Variants in GAD1 observed in about 807,000 individuals in gnomAD.
GAD1 encodes glutamate decarboxylase 1.
GAD1 carries 35 observed loss-of-function variants against 75.2 expected under a neutral mutation model. The observed-to-expected ratio is 0.47, with a 90% confidence interval of 0.36 to 0.62. GAD1 has a LOEUF of 0.62. GAD1 is among the 20% of genes least tolerant of loss of function. The pLI is 0.00. For synonymous variants in GAD1, 257 were observed against 271.9 expected, an observed-to-expected ratio of 0.95 and a Z score of 0.54; for missense variants, 490 against 758.5, an observed-to-expected ratio of 0.65 and a Z score of 4.16.
Position 170,852,732 on chromosome 2 carries a change from G to A in GAD1, c.1203G>A (p.Trp401Ter). Residue 401 changes from tryptophan to a stop codon, truncating the protein, a stop_gained, in exon 13 of 17, where the codon TGG (tryptophan) becomes TGA (stop). Coordinates refer to ENST00000358196, the MANE Select transcript of GAD1 (RefSeq NM_000817.3). LOFTEE classifies it high-confidence loss of function. The part of the protein sequence containing the change: ...NGIERANSVT[W>*]NPHKMMGVLL... ...CTTTCAGGGCCAACTCAGTCACCTG[G>A]AACCCTCACAAGATGATGGGCGTGC... is the stretch of plus-strand genomic sequence containing the variant. 1 of 1,614,120 alleles carries A rather than the reference G, an allele frequency of 6.2e-7. No individual in the cohort carries two copies. The highest frequency in any genetic ancestry group is 1.1e-5 in the South Asian group (1 of 91,066).
upstream of GAD1, among the ~76,000 whole-genome samples, chr2:170,813,885 C>T (rs927392092): frequency 1.3e-5 from 2 of 152,108 alleles, no homozygotes; most frequent in South Asian, 2.1e-4. Context: ...TCCCTAATGC[C>T]GGAGAGAGAC....
chr2:170,848,582 A>G, intron 11 of GAD1: 2 of 435,460 alleles, frequency 4.6e-6, no homozygotes, highest in Admixed American at 5.4e-5. Context: ...TTATCAACTA[A>G]GAGACTTAAT....
chr2:170,856,466 T>C (rs1198296481), intron 14 of GAD1, among the ~76,000 whole-genome samples: 1 of 152,274 alleles, frequency 6.6e-6, no homozygotes, highest in African/African-American at 2.4e-5. Flanking sequence ...TCTACAGCAG[T>C]ATCTTTCGAA....
At chr2:170,842,683 TTCC>T (rs1445888991) in intron 6 of GAD1, 5 of 1,612,500 alleles carry the variant, frequency 3.1e-6, no homozygotes, top group Non-Finnish European at 4.2e-6. Flanking sequence ...TCCAAGGGTC[TTCC>T]TCCTAAATTT....
Position 170,818,346 on chromosome 2 carries a change from G to T in GAD1, c.-63-183G>T, listed in dbSNP as rs1433307340. The T allele has an allele frequency of 3.7e-6, 2 of 536,910 alleles. No homozygotes were observed. The highest frequency in any genetic ancestry group is 6.8e-6 in the Non-Finnish European group (2 of 295,762). The allele number at this position is 536,910 out of a possible 1,614,324, so 33.3% of individuals were successfully genotyped here. ...TGCGCCCCAGTACCGGAGCTAGCGC[G>T]CACGTCTCCTCCGCTGCCCCCACCC... On this transcript the variant is annotated intron_variant, in intron 1 of 16. Coordinates refer to ENST00000358196, the MANE Select transcript of GAD1 (RefSeq NM_000817.3). This position sits in a 1 kb window ranked among gnomAD's most constrained non-coding sequence, Gnocchi z 5.9.
In GAD1 at chr2:170,860,149, C is replaced by A. The variant is rs963395803; in HGVS notation, c.*267C>A. 7.5e-6 allele frequency: 3 copies of A among 398,872 alleles called. No homozygotes were observed. The highest frequency in any genetic ancestry group is 4.0e-5 in the Admixed American group (1 of 24,986). 24.7% of individuals were successfully genotyped at this position (398,872 alleles called of 1,614,324 possible). On this transcript the variant is annotated 3_prime_UTR_variant, in exon 17 of 17. Transcript: ENST00000358196. ...ATATATACATGTATAGTGAGTGTGG[C>A]TTAGTAATAGATCACGGCATGTTTC... is the stretch of plus-strand genomic sequence containing the variant.
intron 9 of GAD1, 69 bp from the exon 10 acceptor site, chr2:170,845,940 T>C (rs1702621575): frequency 6.5e-7 from 1 of 1,528,602 alleles, no homozygotes; most frequent in South Asian, 1.1e-5. Flanking sequence ...TTGCTGCTGC[T>C]AAAGTTTTTT....
At chr2:170,826,878 A>G (rs1031066898) in intron 3 of GAD1, among the ~76,000 whole-genome samples, 14 of 152,220 alleles carry the variant, frequency 9.2e-5, no homozygotes, top group Admixed American at 2.6e-4. Context: ...TTCAGGTGCC[A>G]TCTGATCCTG....
chr2:170,843,758 CCT>C, intron 6 of GAD1: 1 of 392,286 alleles, frequency 2.5e-6, no homozygotes, highest in Non-Finnish European at 4.7e-6. Flanking sequence ...TCCTTCTATT[CCT>C]CTGGGTGGAC....
intron 12 of GAD1, 82 bp from the exon 13 acceptor site, chr2:170,852,632 T>A (rs879295280): frequency 1.1e-5 from 13 of 1,142,292 alleles, no homozygotes; most frequent in Non-Finnish European, 1.7e-5. Context: ...CTAACTTGAG[T>A]TGGAATGGGT....
intron 12 of GAD1, among the ~76,000 whole-genome samples, chr2:170,850,746 G>A (rs1399404916): frequency 1.3e-5 from 2 of 152,236 alleles, no homozygotes; most frequent in Non-Finnish European, 2.9e-5. Context: ...TGGGCAGGGT[G>A]TAGTGGCCTG....
chr2:170,856,978 G>A, intron 14 of GAD1, 40 bp from the exon 15 acceptor site: 1 of 1,524,198 alleles, frequency 6.6e-7, no homozygotes, highest in Non-Finnish European at 9.1e-7. Flanking sequence ...CTCATCACAG[G>A]GAAATGCAAC....
chr2:170,826,095 A>G (rs901205520), intron 3 of GAD1, among the ~76,000 whole-genome samples: 2 of 152,204 alleles, frequency 1.3e-5, no homozygotes, highest in Non-Finnish European at 2.9e-5. Context: ...TCCTAAACAA[A>G]GTGAAAGACA....
At chr2:170,821,748 T>A (rs1358749902) in intron 2 of GAD1, 3 of 380,994 alleles carry the variant, frequency 7.9e-6, no homozygotes, top group Non-Finnish European at 9.9e-6. Flanking sequence ...GATCGGAGCC[T>A]GGCCCTTTGC....
intron 3 of GAD1, among the ~76,000 whole-genome samples, chr2:170,824,378 T>TACACACACACAC (rs10529529): frequency 7.2e-4 from 105 of 146,404 alleles, no homozygotes; most frequent in African/African-American, 2.3e-3. Context: ...CCTGCCTGCC[T>TACACACACACAC]ACACACACAC....
intron 3 of GAD1, among the ~76,000 whole-genome samples, chr2:170,828,733 C>CCTCT (rs1702126845): frequency 7.3e-6 from 1 of 137,712 alleles, no homozygotes; most frequent in Non-Finnish European, 1.6e-5. Context: ...GCTGTCCTCA[C>CCTCT]CCTCCTCCCT....
intron 12 of GAD1, among the ~76,000 whole-genome samples, chr2:170,850,733 A>C (rs74263999): frequency 0.21 from 31,917 of 152,190 alleles, 3,967 homozygotes; most frequent in South Asian, 0.37. Flanking sequence ...AATGTAAAAA[A>C]TCTGGGCAGG....
At chr2:170,842,665 A>G in intron 6 of GAD1, 2 of 1,613,932 alleles carry the variant, frequency 1.2e-6, no homozygotes, top group Non-Finnish European at 1.7e-6. Context: ...GTAACTGCAC[A>G]CATGGTTTCC....
intron 15 of GAD1, 38 bp from the exon 16 acceptor site, chr2:170,858,766 T>C: frequency 6.3e-7 from 1 of 1,589,700 alleles, no homozygotes; most frequent in Non-Finnish European, 8.6e-7. Context: ...TCTCAAGTTA[T>C]CCTAATTTTC....
Sources: allele counts gnomAD v4.1 joint callset (sites outside exome capture counted in the v4.1 genomes callset), GRCh38; gene constraint gnomAD v4.1.1; non-coding constraint Gnocchi (gnomAD v3.1); transcripts MANE v1.5; gene names NCBI Gene and HGNC (gene_info 2026-07-23, HGNC 2026-07-21).